The following IDO2 variants were observed in gnomAD, a reference collection of about 807,000 sequenced individuals.
IDO2 encodes the protein indoleamine 2,3-dioxygenase-like 1 protein.
IDO2 carries 46 observed loss-of-function variants against 45.1 expected under a neutral mutation model. That is an observed-to-expected ratio of 1.02 (90% CI 0.80 to 1.30). IDO2 has a LOEUF of 1.30. IDO2 is among the 50% of genes most tolerant of loss of function. IDO2 has a pLI of 0.00. For missense variants in IDO2, 544 were observed against 491.8 expected (o/e 1.11, Z -1.00); for synonymous variants, 218 against 184.9 (o/e 1.18, Z -1.45).
chr8:39,963,541 T>C, intron 2 of IDO2, 67 bp from the exon 3 acceptor site: 1 of 857,030 alleles, frequency 1.2e-6, no homozygotes, highest in Non-Finnish European at 1.8e-6. Context: ...AATGTGAAAA[T>C]AGCTACTCTC....
rs535237937 is a variant in IDO2, at chr8:40,004,021, C to T, written c.668-1306C>T. On this transcript the variant is annotated intron_variant, in intron 8 of 10. Transcript: ENST00000502986. ...CACACCTATTGAAATGGTCATTTCA[C>T]TTTTCCTTCTTTAATATGTTAAGTT... Among the ~76,000 whole-genome samples the T allele has an allele frequency of 6.6e-5, 10 of 152,284 alleles. No individual in the cohort carries two copies. In the South Asian group the frequency reaches 2.1e-3, roughly 32 times the overall value.
intron 2 of IDO2, among the ~76,000 whole-genome samples, chr8:39,963,174 G>A (rs570374025): frequency 2.6e-5 from 4 of 152,266 alleles, no homozygotes; most frequent in African/African-American, 7.2e-5. Flanking sequence ...TTTATCTGCT[G>A]TCCCCTCTAC....
At chr8:39,959,101 T>G (rs1042749972) in intron 2 of IDO2, among the ~76,000 whole-genome samples, 1 of 149,086 alleles carries the variant, frequency 6.7e-6, no homozygotes, top group African/African-American at 2.5e-5. Flanking sequence ...AGTTCCATGT[T>G]AATCTGTAGA....
At chr8:39,991,722 C>T (rs1286177342) in intron 8 of IDO2, among the ~76,000 whole-genome samples, 1 of 152,088 alleles carries the variant, frequency 6.6e-6, no homozygotes, top group Non-Finnish European at 1.5e-5. Context: ...AGGCATGCAC[C>T]ACCATGCCCA....
At chr8:39,938,167 G>T (rs922035099) in intron 1 of IDO2, among the ~76,000 whole-genome samples, 1 of 152,076 alleles carries the variant, frequency 6.6e-6, no homozygotes, top group African/African-American at 2.4e-5. Flanking sequence ...TTCTAGCCAG[G>T]CATTGTGGCT....
intron 1 of IDO2, among the ~76,000 whole-genome samples, chr8:39,937,994 A>G: frequency 6.6e-6 from 1 of 152,348 alleles, no homozygotes; most frequent in East Asian, 1.9e-4. Flanking sequence ...AAAATGTAAA[A>G]TGTGTATTTT....
chr8:39,935,424 GGTTGTTGTTGTTGTTGTT>G (rs72187471), intron 1 of IDO2, among the ~76,000 whole-genome samples: 13 of 150,000 alleles, frequency 8.7e-5, no homozygotes, highest in Middle Eastern at 3.4e-3. Context: ...TTACTTTTCT[GGTTGTTGTTGTTGTTGTT>G]GTTGTTGTTG....
chr8:39,974,549 G>A (rs1468317492), intron 3 of IDO2, among the ~76,000 whole-genome samples: 3 of 152,180 alleles, frequency 2.0e-5, no homozygotes, highest in South Asian at 4.2e-4. Context: ...TTGGGAGGCC[G>A]AGGTGGGTGG....
intron 9 of IDO2, among the ~76,000 whole-genome samples, chr8:40,007,819 G>T (rs1233941870): frequency 1.3e-5 from 2 of 152,102 alleles, no homozygotes; most frequent in African/African-American, 2.4e-5. Context: ...ATTTAGGGTC[G>T]CAAAAGGCCG....
chr8:39,978,929 C>A (rs897825388), intron 3 of IDO2, 138 bp from the exon 4 acceptor site: 3 of 752,470 alleles, frequency 4.0e-6, no homozygotes, highest in African/African-American at 3.5e-5. Context: ...TGTGTGCGGG[C>A]TCTTTGTACC....
At chr8:39,938,471 C>G (rs1807591203) in intron 1 of IDO2, among the ~76,000 whole-genome samples, 1 of 151,856 alleles carries the variant, frequency 6.6e-6, no homozygotes, top group African/African-American at 2.4e-5. Flanking sequence ...TTAAAAACTG[C>G]TATGACCATA....
At chr8:40,005,555 G>T (rs1006331041) in intron 9 of IDO2, among the ~76,000 whole-genome samples, 177 bp downstream of exon 9, 1 of 152,174 alleles carries the variant, frequency 6.6e-6, no homozygotes, top group African/African-American at 2.4e-5. Context: ...AACACTGAGG[G>T]CTAAGTATTT....
intron 8 of IDO2, among the ~76,000 whole-genome samples, chr8:40,004,497 A>G (rs966216104): frequency 2.6e-4 from 39 of 151,924 alleles, no homozygotes; most frequent in African/African-American, 8.7e-4. Context: ...GGCCTCACAT[A>G]AAGATGTAGA....
chr8:40,003,381 A>AG (rs1452185333), intron 8 of IDO2, among the ~76,000 whole-genome samples: 18 of 99,856 alleles, frequency 1.8e-4, no homozygotes, highest in African/African-American at 6.3e-4. Context: ...AAAAAAAAAA[A>AG]AAAAAAAAAA....
chr8:40,015,590 C>G, exon 11 of IDO2: 1 of 1,610,464 alleles, frequency 6.2e-7, no homozygotes, highest in Non-Finnish European at 8.5e-7. Flanking sequence ...CAATCCTTCA[C>G]CCACGTGGTT....
intron 8 of IDO2, chr8:39,995,191 T>TCTCCTTCTCCTTCTCCTTCTC (rs1299293945): frequency 3.8e-4 from 31 of 80,956 alleles, no homozygotes; most frequent in South Asian, 2.6e-3. Context: ...TTCTTCTTCT[T>TCTCCTTCTCCTTCTCCTTCTC]CTTCTTCTTC....
At chr8:39,993,976 C>T (rs991242730) in intron 8 of IDO2, among the ~76,000 whole-genome samples, 1 of 152,002 alleles carries the variant, frequency 6.6e-6, no homozygotes, top group African/African-American at 2.4e-5. Flanking sequence ...CACTGCACTC[C>T]AGCCTGGGCG....
intron 3 of IDO2, among the ~76,000 whole-genome samples, chr8:39,967,510 C>CAT (rs111932706): frequency 0.21 from 31,772 of 151,820 alleles, 4,755 homozygotes; most frequent in African/African-American, 0.43. Context: ...TTTTTTGAGA[C>CAT]AGAGTTTCAC....
chr8:39,976,531 C>T (rs746753074), intron 3 of IDO2, among the ~76,000 whole-genome samples: 17 of 151,998 alleles, frequency 1.1e-4, no homozygotes, highest in Admixed American at 2.0e-4. Flanking sequence ...TTTATATTCA[C>T]GGTGTACAAA....
Sources: allele counts gnomAD v4.1 joint callset (sites outside exome capture counted in the v4.1 genomes callset), GRCh38; gene constraint gnomAD v4.1.1; transcripts MANE v1.5; gene names NCBI Gene and HGNC (gene_info 2026-07-23, HGNC 2026-07-21).